The following SPRED2 variants were observed in gnomAD, a reference collection of about 807,000 sequenced individuals.
The protein encoded by SPRED2 is sprouty-related, EVH1 domain-containing protein 2.
Under a neutral mutation model 43.0 loss-of-function variants are expected in SPRED2, and 47 were observed. The ratio of observed to expected loss-of-function variants is 1.09; its 90% CI spans 0.87 to 1.40. The LOEUF is 1.40. Among genes scored for constraint, SPRED2 ranks in the 40% most tolerant of loss-of-function variants. The probability of loss-of-function intolerance (pLI) is 0.00; values close to 1 mark genes in which losing one functional copy is unlikely to be tolerated. For synonymous variants in SPRED2, 225 were observed against 225.7 expected, an observed-to-expected ratio of 1.00 and a Z score of 0.03; for missense variants, 561 against 586.4, an observed-to-expected ratio of 0.96 and a Z score of 0.45.
At chr2:65,324,034 A>G (rs1673522583) in intron 4 of SPRED2, among the ~76,000 whole-genome samples, 1 of 151,724 alleles carries the variant, frequency 6.6e-6, no homozygotes, top group South Asian at 2.1e-4. Context: ...ACCAGGCCTC[A>G]GAGCACTGGT....
At chr2:65,429,783 A>G (rs1337981944) in intron 1 of SPRED2, among the ~76,000 whole-genome samples, 1 of 152,218 alleles carries the variant, frequency 6.6e-6, no homozygotes, top group Non-Finnish European at 1.5e-5. Flanking sequence ...AGGCTTTCTC[A>G]GTCTCTAAGT....
At chr2:65,396,143 G>A (rs1008899319) in intron 1 of SPRED2, among the ~76,000 whole-genome samples, 1 of 152,182 alleles carries the variant, frequency 6.6e-6, no homozygotes. Flanking sequence ...TAATGTGGGT[G>A]AGGCCTCAGT....
chr2:65,327,727 T>C (rs1386607406), intron 4 of SPRED2, among the ~76,000 whole-genome samples: 2 of 134,736 alleles, frequency 1.5e-5, no homozygotes, highest in Non-Finnish European at 3.2e-5. Context: ...TTTTTTTTTT[T>C]TTTTTTTTTT....
At chr2:65,403,590 A>G (rs1283692630) in intron 1 of SPRED2, among the ~76,000 whole-genome samples, 1 of 152,190 alleles carries the variant, frequency 6.6e-6, no homozygotes, top group Non-Finnish European at 1.5e-5. Context: ...TTACGACACA[A>G]AGAAATCCTC....
chr2:65,355,106 G>C (rs1460084957), intron 1 of SPRED2, among the ~76,000 whole-genome samples: 1 of 152,168 alleles, frequency 6.6e-6, no homozygotes, highest in African/African-American at 2.4e-5. Context: ...AAAACTCTTT[G>C]CTCTAATCCT....
chr2:65,391,891 T>C (rs6722660), intron 1 of SPRED2, among the ~76,000 whole-genome samples: 1,822 of 152,332 alleles, frequency 0.012, 33 homozygotes, highest in African/African-American at 0.04. Context: ...TATGTTTTCA[T>C]TGCATTAGTT....
chr2:65,425,128 G>C (rs535940495), intron 1 of SPRED2, among the ~76,000 whole-genome samples: 2 of 152,304 alleles, frequency 1.3e-5, no homozygotes, highest in Admixed American at 1.3e-4. Context: ...GTCATTACCA[G>C]ATGAACAAAT....
intron 1 of SPRED2, among the ~76,000 whole-genome samples, chr2:65,351,085 T>C (rs1483861042): frequency 6.6e-6 from 1 of 152,212 alleles, no homozygotes; most frequent in Non-Finnish European, 1.5e-5. Flanking sequence ...AAACAGGTCC[T>C]TGAAACACCA....
At chr2:65,414,322 A>AT (rs1676225277) in intron 1 of SPRED2, among the ~76,000 whole-genome samples, 1 of 148,924 alleles carries the variant, frequency 6.7e-6, no homozygotes, top group South Asian at 2.1e-4. Flanking sequence ...TGAGTACTAC[A>AT]TTTTTCACAT....
chr2:65,344,767 A>G lies in SPRED2; in HGVS notation c.156T>C (p.Asn52=), dbSNP rs1674295431. Reference sequence around the variant, plus strand: ...CATGGATGAGAAAGCCGCTTCGTCCATTGCCTTCGGGGTGCATGACCTTAC... The same window carrying G: ...CATGGATGAGAAAGCCGCTTCGTCCGTTGCCTTCGGGGTGCATGACCTTAC... ...GVCKVMHPEG[N]GRSGFLIHGE... is the part of the protein sequence containing the mutation. The change falls in exon 2 of 6, where the codon AAT becomes AAC. Residue 52 remains asparagine, a synonymous_variant. Transcript: ENST00000356388. The G allele has an allele frequency of 6.2e-7, 1 of 1,614,060 alleles. No homozygotes were observed. Among genetic ancestry groups the G allele is most frequent in the Non-Finnish European group, 8.5e-7 (1 of 1,180,038 alleles).
chr2:65,309,450 G>A (rs889823463), downstream of SPRED2, among the ~76,000 whole-genome samples: 1 of 145,948 alleles, frequency 6.9e-6, no homozygotes, highest in Non-Finnish European at 1.5e-5. Flanking sequence ...AGGCTACGGT[G>A]AGCCATGACT....
At chr2:65,425,823 G>A (rs996049508) in intron 1 of SPRED2, among the ~76,000 whole-genome samples, 6 of 152,112 alleles carry the variant, frequency 3.9e-5, no homozygotes, top group South Asian at 2.1e-4. Context: ...TTGAGATGAC[G>A]GGGTCTTTTT....
At chr2:65,336,338 C>G (rs922546525) in intron 2 of SPRED2, among the ~76,000 whole-genome samples, 4 of 152,132 alleles carry the variant, frequency 2.6e-5, no homozygotes, top group Non-Finnish European at 4.4e-5. Context: ...GCCCAGGTGA[C>G]AGAGTGAGAC....
rs1673259245 is a variant in SPRED2, at chr2:65,316,948, C to G, written c.439-65G>C. ...ACAACAAAAACCCCACGCAGCAAAC[C>G]CTGACATGCACTATTCAAATACTAG... On this transcript the variant is annotated intron_variant, in intron 4 of 5. Coordinates refer to ENST00000356388, the MANE Select transcript of SPRED2 (RefSeq NM_181784.3). 37 of 1,526,022 alleles carry G rather than the reference C, an allele frequency of 2.4e-5. 2 individuals carry two copies. The highest frequency in any genetic ancestry group is 1.7e-4 in the Middle Eastern group (1 of 5,890). The allele number at this position is 1,526,022 out of a possible 1,614,324, so 94.5% of individuals were successfully genotyped here.
downstream of SPRED2, among the ~76,000 whole-genome samples, chr2:65,310,119 T>G (rs114169539): frequency 0.011 from 1,717 of 152,294 alleles, 35 homozygotes; most frequent in African/African-American, 0.04. Flanking sequence ...CTCCTCTCCC[T>G]TCCTAACTTC....
intron 1 of SPRED2, among the ~76,000 whole-genome samples, chr2:65,391,341 AAG>A (rs1012454821): frequency 2.0e-5 from 3 of 152,146 alleles, no homozygotes; most frequent in African/African-American, 7.2e-5. Flanking sequence ...CAAGAAAAAC[AAG>A]AGTCATGCCA....
At chr2:65,322,979 C>G (rs1317254255) in intron 4 of SPRED2, among the ~76,000 whole-genome samples, 1 of 152,126 alleles carries the variant, frequency 6.6e-6, no homozygotes, top group Non-Finnish European at 1.5e-5. Context: ...ATATGCCTTA[C>G]TAATATGTGA....
intron 1 of SPRED2, among the ~76,000 whole-genome samples, chr2:65,419,646 A>T (rs996310029): frequency 3.3e-5 from 5 of 152,010 alleles, no homozygotes. Flanking sequence ...AGAAAAATAT[A>T]TGCCAAACAT....
At chr2:65,382,269 TTCCAGGAAGAAGGCTGG>T (rs1398547264) in intron 1 of SPRED2, among the ~76,000 whole-genome samples, 5 of 152,006 alleles carry the variant, frequency 3.3e-5, no homozygotes, top group Non-Finnish European at 5.9e-5. Flanking sequence ...AAAAAAAGAT[TTCCAGGAAGAAGGCTGG>T]TCCAGGAAGA....
Sources: gnomAD v4.1 joint callset for allele counts (sites outside exome capture counted in the v4.1 genomes callset) on GRCh38, gnomAD v4.1.1 for gene constraint, MANE v1.5 for transcripts, NCBI Gene and HGNC (gene_info 2026-07-23, HGNC 2026-07-21) for gene names.